The following ICE1 variants were observed in gnomAD, a reference collection of about 807,000 sequenced individuals.
ICE1 encodes the protein little elongation complex subunit 1.
Under a neutral mutation model 192.7 loss-of-function variants are expected in ICE1, and 64 were observed. The ratio of observed to expected loss-of-function variants is 0.33; its 90% confidence interval spans 0.27 to 0.41. ICE1 has a LOEUF of 0.41. Ranked by LOEUF, ICE1 falls within the 10% of genes least tolerant of loss-of-function variation. The probability of loss-of-function intolerance (pLI) is 1.00; values close to 1 mark genes in which losing one functional copy is unlikely to be tolerated. For synonymous variants in ICE1, 1,010 were observed against 984.5 expected (o/e 1.03, Z -0.49); for missense variants, 2,708 against 2,696.0 (o/e 1.00, Z -0.10).
At chr5:5,457,890 A>G (rs964977746) in intron 12 of ICE1, 149 bp downstream of exon 12, 119 of 735,294 alleles carry the variant, frequency 1.6e-4, no homozygotes, top group Non-Finnish European at 2.1e-4. Context: ...GTTTTTAAAA[A>G]GCATGCCACT....
At chr5:5,454,788 C>T (rs574466565) in intron 11 of ICE1, 150 bp downstream of exon 11, 8 of 554,824 alleles carry the variant, frequency 1.4e-5, no homozygotes, top group African/African-American at 1.3e-4. Context: ...ATACAAAACT[C>T]GTTTCCCTTC....
chr5:5,432,031 A>T lies in ICE1; in HGVS notation c.85-4387A>T, dbSNP rs564564269. On this transcript the variant is annotated intron_variant, in intron 1 of 18. Coordinates refer to ENST00000296564, the MANE Select transcript of ICE1 (RefSeq NM_015325.3). Reference sequence around the variant, plus strand: ...AATATTTTGAGTCTTTGTTAGCTATAACAGCATTATTGAAATATAATTTAC... The same window carrying T: ...AATATTTTGAGTCTTTGTTAGCTATTACAGCATTATTGAAATATAATTTAC... Among the ~76,000 whole-genome samples, 758 of 152,052 alleles carry T rather than the reference A, an allele frequency of 5.0e-3. 7 individuals are homozygous for T. Among genetic ancestry groups the T allele is most frequent in the Non-Finnish European group, 5.8e-3 (396 of 68,004 alleles).
chr5:5,457,352 A>G lies in ICE1; in HGVS notation c.712A>G (p.Thr238Ala), dbSNP rs1402358805. ...CVPEKPAKAI[T>A]SSRVPGEDGT... ...CATAGAAAAACCTGCCAAAGCAATC[A>G]CCAGCTCCAGAGTGCCTGGGGAAGA... The change falls in exon 12 of 19, where the codon ACC becomes GCC. Residue 238 changes from threonine to alanine, a missense_variant. Coordinates refer to ENST00000296564, the MANE Select transcript of ICE1 (RefSeq NM_015325.3). The G allele has an allele frequency of 6.2e-7, 1 of 1,605,516 alleles. No homozygotes were observed. The highest frequency in any genetic ancestry group is 8.5e-7 in the Non-Finnish European group (1 of 1,175,064).
chr5:5,462,119 TC>T lies in ICE1; in HGVS notation c.2786del (p.Ser929LeufsTer7). 1 of 1,613,890 alleles carries T rather than the reference TC, an allele frequency of 6.2e-7. No individual in the cohort carries two copies. Among genetic ancestry groups the T allele is most frequent in the Non-Finnish European group, 8.5e-7 (1 of 1,179,778 alleles). ...AAVKSISPEVSASRRKLDFNS... is the reference protein window; with the variant it reads ...AAVKSISPEVXASRRKLDFNS... ...TGTGAAAAGCATTTCACCAGAAGTTTCTGCCTCTAGGAGAAAATTAGATTTT... is the reference window on the plus strand; with the variant it reads ...TGTGAAAAGCATTTCACCAGAAGTTTTGCCTCTAGGAGAAAATTAGATTTT... On this transcript the variant is annotated frameshift_variant, in exon 13 of 19. Coordinates refer to ENST00000296564, the MANE Select transcript of ICE1 (RefSeq NM_015325.3). LOFTEE classifies it high-confidence loss of function.
Position 5,489,424 on chromosome 5 carries a change from C to T in ICE1, c.*94C>T. 6 of 1,126,212 alleles carry T rather than the reference C, an allele frequency of 5.3e-6. No individual in the cohort carries two copies. The highest frequency in any genetic ancestry group is 7.4e-6 in the Non-Finnish European group (6 of 809,978). 69.8% of individuals were successfully genotyped at this position (1,126,212 alleles called of 1,614,324 possible). On this transcript the variant is annotated 3_prime_UTR_variant, in exon 19 of 19. Transcript: ENST00000296564. ...CAGAATACAAAGGGAGGTTTCAAAA[C>T]AAAAAGACATAAAATAGATAAAACA... is the stretch of plus-strand genomic sequence containing the variant.
intron 7 of ICE1, among the ~76,000 whole-genome samples, chr5:5,445,462 C>G (rs913727510): frequency 1.3e-5 from 2 of 151,952 alleles, no homozygotes; most frequent in Non-Finnish European, 2.9e-5. Flanking sequence ...GAGACAGGGT[C>G]TCTCTCTGTC....
chr5:5,423,679 G>A (rs1472773847), intron 1 of ICE1, among the ~76,000 whole-genome samples: 2 of 152,154 alleles, frequency 1.3e-5, no homozygotes, highest in Middle Eastern at 3.2e-3. Flanking sequence ...GATCTTATGG[G>A]GTGGTACTTG....
In ICE1 at chr5:5,422,688, C is replaced by A; in HGVS notation, c.-228C>A. ...GCGGGGCCCTGACTGGACTGCGTCG[C>A]GCTCGGGGGCCGCGCCGGGTAGCGT... On this transcript the variant is annotated 5_prime_UTR_variant, in exon 1 of 19. Coordinates refer to ENST00000296564, the MANE Select transcript of ICE1 (RefSeq NM_015325.3). 6.1e-6 allele frequency: 2 copies of A among 330,516 alleles called. No individual in the cohort carries two copies. Among genetic ancestry groups the A allele is most frequent in the East Asian group, 4.7e-5 (1 of 21,496 alleles). 20.5% of individuals were successfully genotyped at this position (330,516 alleles called of 1,614,324 possible).
chr5:5,460,265 C>T (rs1277866594), intron 12 of ICE1, among the ~76,000 whole-genome samples, 171 bp from the exon 13 acceptor site: 1 of 152,148 alleles, frequency 6.6e-6, no homozygotes, highest in East Asian at 1.9e-4. Context: ...AGTGTTGGAC[C>T]AAAGCTGGAG....
chr5:5,457,071 A>T (rs1184599308), intron 11 of ICE1, among the ~76,000 whole-genome samples: 1 of 152,088 alleles, frequency 6.6e-6, no homozygotes, highest in Non-Finnish European at 1.5e-5. Flanking sequence ...ATGCCTTTCC[A>T]GCTGTGTCAT....
chr5:5,461,717 G>C lies in ICE1; in HGVS notation c.2383G>C (p.Asp795His). ...FVKSTSWHHSDLLRKGGEESL... is the reference protein window; with the variant it reads ...FVKSTSWHHSHLLRKGGEESL... Reference sequence around the variant, plus strand: ...TAAAAGTACTTCATGGCACCATAGTGATTTATTAAGGAAAGGTGGCGAAGA... The same window carrying C: ...TAAAAGTACTTCATGGCACCATAGTCATTTATTAAGGAAAGGTGGCGAAGA... The change falls in exon 13 of 19, where the codon GAT (aspartate) becomes CAT (histidine). Residue 795 changes from aspartate (D) to histidine (H), a missense_variant. By Grantham distance (81) the Asp-to-His change is moderately conservative. This residue lies in a region of ICE1 where 2,366 missense variants were observed against 2,276.6 expected (regional missense o/e 1.04). Coordinates refer to ENST00000296564, the MANE Select transcript of ICE1 (RefSeq NM_015325.3). The C allele has an allele frequency of 6.2e-7, 1 of 1,613,796 alleles. No homozygotes were observed. Among genetic ancestry groups the C allele is most frequent in the Non-Finnish European group, 8.5e-7 (1 of 1,179,808 alleles).
At chr5:5,479,764 C>T (rs939061273) in intron 17 of ICE1, among the ~76,000 whole-genome samples, 1 of 152,128 alleles carries the variant, frequency 6.6e-6, no homozygotes, top group Admixed American at 6.5e-5. Context: ...ACTATGCAGC[C>T]ATAAAAATGA....
rs775296045 is a variant in ICE1 at position 5,461,794 on chromosome 5, A to G, written c.2460A>G (p.Gln820=). Residue 820 remains glutamine, a synonymous_variant, in exon 13 of 19, where the codon CAA becomes CAG. Coordinates refer to ENST00000296564, the MANE Select transcript of ICE1 (RefSeq NM_015325.3). The stretch of plus-strand genomic sequence containing the variant: ...AACAGAAGACTAGCCATCAGTTACA[A>G]AAGGCAATGCCATTCCTACAAAATA... ...EHEQKTSHQL[Q]KAMPFLQNRG... 1 of 1,614,002 alleles carries G rather than the reference A, an allele frequency of 6.2e-7. No homozygotes were observed. The highest frequency in any genetic ancestry group is 1.7e-5 in the Admixed American group (1 of 60,022).
rs758936585 is a variant in ICE1, at chr5:5,460,893, A to G, written c.1559A>G (p.Glu520Gly). Reference protein sequence around the residue: ...IERLSASPAQEKEAAPGKSEL... With the variant: ...IERLSASPAQGKEAAPGKSEL... ...AGATTGTCTGCCAGCCCTGCACAAGAGAAGGAAGCTGCCCCTGGGAAGTCT... is the reference window on the plus strand; with the variant it reads ...AGATTGTCTGCCAGCCCTGCACAAGGGAAGGAAGCTGCCCCTGGGAAGTCT... The change falls in exon 13 of 19, where the codon GAG becomes GGG. Residue 520 changes from glutamate to glycine, a missense_variant. Physicochemically the swap from Glu to Gly is moderately conservative, Grantham distance 98. Around this residue, in one of 2 missense-constraint regions of ICE1, gnomAD observed 2,366 missense variants for 2,276.6 expected, o/e 1.04. Coordinates refer to ENST00000296564, the MANE Select transcript of ICE1 (RefSeq NM_015325.3). The G allele has an allele frequency of 1.9e-6, 3 of 1,614,038 alleles. No individual in the cohort carries two copies. The highest frequency in any genetic ancestry group is 1.6e-4 in the Middle Eastern group (1 of 6,062).
chr5:5,479,312 AC>A (rs1387768021), intron 17 of ICE1, among the ~76,000 whole-genome samples: 1 of 152,258 alleles, frequency 6.6e-6, no homozygotes, highest in Non-Finnish European at 1.5e-5. Context: ...TCAAAAGAAG[AC>A]ATTTATGCGG....
At chr5:5,459,333 T>C (rs750935182) in intron 12 of ICE1, among the ~76,000 whole-genome samples, 10 of 152,038 alleles carry the variant, frequency 6.6e-5, no homozygotes, top group Non-Finnish European at 1.3e-4. Flanking sequence ...TGTTGAAAAA[T>C]AGCAAATATA....
chr5:5,466,208 C>T lies in ICE1; in HGVS notation c.5893-126C>T, dbSNP rs565197795. ...GTTCTTACCAGTTACTATGCTCTAC[C>T]TTCTGATGTAGCGCAAGTTTTATTT... On this transcript the variant is annotated intron_variant, in intron 13 of 18. Transcript: ENST00000296564. 51 of 778,158 alleles carry T rather than the reference C, an allele frequency of 6.6e-5. No individual in the cohort carries two copies. In the South Asian group the frequency reaches 1.1e-3, roughly 17 times the overall value. 48.2% of individuals were successfully genotyped at this position (778,158 alleles called of 1,614,324 possible). A position where few individuals can be genotyped will look rare whatever the true frequency, so the allele number is the denominator to read the frequency against.
At position 5,489,492 on chromosome 5, in the gene ICE1, AC is replaced by A. The variant is rs1346619602; in HGVS notation, c.*163del. ...ATTGTTTGGCAAGGAGACAGGAGAA[AC>A]AAGCAGTCGCATAGTCGTTTTTCCC... On this transcript the variant is annotated 3_prime_UTR_variant, in exon 19 of 19. Transcript: ENST00000296564. 6.6e-6 allele frequency: 4 copies of A among 610,208 alleles called. No homozygotes were observed. The highest frequency in any genetic ancestry group is 1.1e-5 in the Non-Finnish European group (4 of 370,908). The allele number at this position is 610,208 out of a possible 1,614,324, so 37.8% of individuals were successfully genotyped here. A position where few individuals can be genotyped will look rare whatever the true frequency, so the allele number is the denominator to read the frequency against.
intron 14 of ICE1, among the ~76,000 whole-genome samples, chr5:5,466,943 TCTCTTTA>T (rs369515896): frequency 1.2e-3 from 177 of 152,330 alleles, no homozygotes; most frequent in African/African-American, 4.0e-3. Flanking sequence ...GATTCTCTTT[TCTCTTTA>T]CTATTTCTTC....
Sources: gnomAD v4.1 joint callset for allele counts (sites outside exome capture counted in the v4.1 genomes callset) on GRCh38, gnomAD v4.1.1 for gene constraint, gnomAD v4.1.1 regional missense constraint, MANE v1.5 for transcripts, NCBI Gene and HGNC (gene_info 2026-07-23, HGNC 2026-07-21) for gene names.